Variants in ZMYND8 observed in about 807,000 individuals in gnomAD.
The protein encoded by ZMYND8 is MYND-type zinc finger-containing chromatin reader ZMYND8.
Under a neutral mutation model 140.8 loss-of-function variants are expected in ZMYND8, and 37 were observed. The observed-to-expected ratio is 0.26, with a 90% CI of 0.20 to 0.35. The LOEUF is 0.35. ZMYND8 is among the 10% of genes least tolerant of loss of function. The pLI, the probability that ZMYND8 is intolerant of heterozygous loss-of-function variation, is 1.00. For synonymous variants in ZMYND8, 592 were observed against 597.1 expected, an observed-to-expected ratio of 0.99 and a Z score of 0.12; for missense variants, 1,068 against 1,570.0, an observed-to-expected ratio of 0.68 and a Z score of 5.40.
chr20:47,305,935 T>C (rs1019614383), intron 3 of ZMYND8, among the ~76,000 whole-genome samples: 4 of 152,192 alleles, frequency 2.6e-5, no homozygotes, highest in South Asian at 2.1e-4. Context: ...GGACATCCAT[T>C]TAGCAACCTG....
At chr20:47,274,039 T>C (rs2147766410) in intron 11 of ZMYND8, among the ~76,000 whole-genome samples, 1 of 150,130 alleles carries the variant, frequency 6.7e-6, no homozygotes, top group Middle Eastern at 3.4e-3. Flanking sequence ...GGGATTCAAC[T>C]AACTTCTCAC....
intron 15 of ZMYND8, 35 bp downstream of exon 15, chr20:47,238,723 G>C: frequency 6.3e-7 from 1 of 1,583,510 alleles, no homozygotes; most frequent in Non-Finnish European, 8.6e-7. Flanking sequence ...AAATGGGAGC[G>C]GGCGCCACGG....
chr20:47,303,598 G>T (rs1267074592), intron 3 of ZMYND8, among the ~76,000 whole-genome samples: 4 of 152,062 alleles, frequency 2.6e-5, no homozygotes, highest in Non-Finnish European at 5.9e-5. Flanking sequence ...AGGAGGTTGA[G>T]GCAGGAAGAA....
At chr20:47,300,527 C>T (rs1172464442) in intron 3 of ZMYND8, among the ~76,000 whole-genome samples, 1 of 152,152 alleles carries the variant, frequency 6.6e-6, no homozygotes, top group Non-Finnish European at 1.5e-5. Flanking sequence ...CTAATACAGA[C>T]CTCATATATA....
At chr20:47,349,398 T>C (rs751390543) in intron 1 of ZMYND8, among the ~76,000 whole-genome samples, 2 of 152,236 alleles carry the variant, frequency 1.3e-5, no homozygotes, top group Non-Finnish European at 2.9e-5. Flanking sequence ...CAAATGGTTT[T>C]CATCAGGAGA....
At chr20:47,318,806 C>T (rs2079637788) in intron 2 of ZMYND8, 3 of 553,366 alleles carry the variant, frequency 5.4e-6, no homozygotes, top group African/African-American at 1.9e-5. Context: ...CATCCAGAGC[C>T]GGGATAGGGA....
intron 17 of ZMYND8, 123 bp downstream of exon 17, chr20:47,229,603 G>A: frequency 1.2e-6 from 1 of 840,436 alleles, no homozygotes; most frequent in Non-Finnish European, 1.9e-6. Context: ...AATCAGTAGA[G>A]CCAGCTTAGT....
intron 1 of ZMYND8, chr20:47,356,264 T>C: frequency 8.4e-6 from 8 of 955,044 alleles, no homozygotes; most frequent in Middle Eastern, 7.5e-4. Context: ...GAGAAGACAA[T>C]AGTGCAGGGG....
intron 6 of ZMYND8, among the ~76,000 whole-genome samples, 190 bp from the exon 7 acceptor site, chr20:47,290,464 T>C (rs2077182621): frequency 6.6e-6 from 1 of 152,200 alleles, no homozygotes; most frequent in South Asian, 2.1e-4. Context: ...TTTTGAGATC[T>C]ATAACCCTAT....
chr20:47,298,609 G>C lies in ZMYND8; in HGVS notation c.453+120C>G. 1.3e-6 allele frequency: 2 copies of C among 1,504,404 alleles called. No homozygotes were observed. Among genetic ancestry groups the C allele is most frequent in the Non-Finnish European group, 1.8e-6 (2 of 1,125,466 alleles). 93.2% of individuals were successfully genotyped at this position (1,504,404 alleles called of 1,614,324 possible). On this transcript the variant is annotated intron_variant, in intron 4 of 22. Coordinates refer to ENST00000471951, the MANE Select transcript of ZMYND8 (RefSeq NM_001281775.3). This position sits in a 1 kb window ranked among gnomAD's most constrained non-coding sequence, Gnocchi z 5.0. ...AGGGGGTGACCAGGATAGAACAGGTGGAAAGCAAGAAATTTCTCTTTTCCA... is the reference window on the plus strand; with the variant it reads ...AGGGGGTGACCAGGATAGAACAGGTCGAAAGCAAGAAATTTCTCTTTTCCA...
At chr20:47,240,073 T>C (rs1156790108) in intron 14 of ZMYND8, among the ~76,000 whole-genome samples, 2 of 147,948 alleles carry the variant, frequency 1.4e-5, no homozygotes, top group African/African-American at 5.0e-5. Flanking sequence ...CCCGTCTCTA[T>C]TAAAAATACA....
intron 18 of ZMYND8, among the ~76,000 whole-genome samples, chr20:47,226,996 T>C (rs1453657707): frequency 6.6e-6 from 1 of 152,166 alleles, no homozygotes; most frequent in Non-Finnish European, 1.5e-5. Context: ...GCTGGTGTTC[T>C]GAACAGAGGA....
chr20:47,323,377 AC>A (rs1223863982), intron 2 of ZMYND8, among the ~76,000 whole-genome samples: 1 of 151,812 alleles, frequency 6.6e-6, no homozygotes, highest in Non-Finnish European at 1.5e-5. Context: ...CAAGTAGCTA[AC>A]ACCACGGTGT....
intron 22 of ZMYND8, among the ~76,000 whole-genome samples, chr20:47,212,026 C>T (rs895391007): frequency 2.0e-5 from 3 of 152,156 alleles, no homozygotes; most frequent in Admixed American, 1.3e-4. Flanking sequence ...GGGGCAAGGG[C>T]GGAGTCTTCT....
intron 2 of ZMYND8, among the ~76,000 whole-genome samples, chr20:47,336,812 A>G (rs2081419228): frequency 6.6e-6 from 1 of 152,190 alleles, no homozygotes; most frequent in Non-Finnish European, 1.5e-5. Flanking sequence ...GCCACAGCGG[A>G]TGAGCCATAT....
intron 11 of ZMYND8, among the ~76,000 whole-genome samples, chr20:47,264,667 G>T (rs1008672779): frequency 3.3e-5 from 5 of 152,184 alleles, no homozygotes; most frequent in African/African-American, 1.2e-4. Context: ...CCTTCACTGG[G>T]GGGGGCTGCT....
intron 13 of ZMYND8, among the ~76,000 whole-genome samples, chr20:47,247,368 C>T (rs2040690615): frequency 6.6e-6 from 1 of 152,216 alleles, no homozygotes; most frequent in Non-Finnish European, 1.5e-5. Flanking sequence ...TTGTTCCCTG[C>T]ACTCGTGGAA....
At chr20:47,299,026 TAAC>T (rs1301504129) in intron 3 of ZMYND8, 79 bp from the exon 4 acceptor site, 7 of 1,357,730 alleles carry the variant, frequency 5.2e-6, no homozygotes, top group African/African-American at 4.3e-5. Flanking sequence ...AGTACATCAA[TAAC>T]AACAAAAGAA....
intron 2 of ZMYND8, among the ~76,000 whole-genome samples, chr20:47,327,325 T>C (rs966432637): frequency 6.6e-6 from 1 of 151,268 alleles, no homozygotes; most frequent in African/African-American, 2.4e-5. Context: ...GCTTCTCTTT[T>C]AAAATAAGGT....
Sources: gnomAD v4.1 joint callset for allele counts (sites outside exome capture counted in the v4.1 genomes callset) on GRCh38, gnomAD v4.1.1 for gene constraint, Gnocchi (gnomAD v3.1) non-coding constraint, MANE v1.5 for transcripts, NCBI Gene and HGNC (gene_info 2026-07-23, HGNC 2026-07-21) for gene names.